Variants in SGK1 observed in about 807,000 individuals in gnomAD.
The protein encoded by SGK1 is serum/glucocorticoid regulated kinase 1.
SGK1 carries 26 observed loss-of-function variants against 64.2 expected under a neutral mutation model. The ratio of observed to expected loss-of-function variants is 0.40; its 90% CI spans 0.30 to 0.56. The LOEUF (loss-of-function observed/expected upper bound fraction) is 0.56. Among genes scored for constraint, SGK1 ranks in the 20% least tolerant of loss-of-function variants. The pLI, the probability that SGK1 is intolerant of heterozygous loss-of-function variation, is 0.38. For synonymous variants in SGK1, 265 were observed against 239.7 expected (o/e 1.11, Z -0.98); for missense variants, 519 against 645.6 (o/e 0.80, Z 2.12).
At chr6:134,254,569 TA>T (rs2114739534) in intron 2 of SGK1, among the ~76,000 whole-genome samples, 1 of 152,282 alleles carries the variant, frequency 6.6e-6, no homozygotes, top group African/African-American at 2.4e-5. Flanking sequence ...TTGAAACATT[TA>T]AACGATATAA....
At chr6:134,184,018 C>G (rs1424664489) in intron 3 of SGK1, among the ~76,000 whole-genome samples, 2 of 152,138 alleles carry the variant, frequency 1.3e-5, no homozygotes, top group African/African-American at 2.4e-5. Context: ...CTGCCTGCCC[C>G]TCTGACCTCT....
intron 3 of SGK1, among the ~76,000 whole-genome samples, chr6:134,195,118 T>C (rs1429557574): frequency 6.6e-6 from 1 of 152,190 alleles, no homozygotes; most frequent in Non-Finnish European, 1.5e-5. Context: ...AAAATGCCTT[T>C]TAGGACTATG....
intron 2 of SGK1, among the ~76,000 whole-genome samples, chr6:134,229,776 A>G (rs950950204): frequency 1.3e-5 from 2 of 152,210 alleles, no homozygotes; most frequent in Non-Finnish European, 2.9e-5. Context: ...TCACATGTAC[A>G]TCTCTGGTCT....
intron 2 of SGK1, among the ~76,000 whole-genome samples, chr6:134,239,609 G>A (rs1015166980): frequency 2.6e-5 from 4 of 152,080 alleles, no homozygotes; most frequent in African/African-American, 9.7e-5. Flanking sequence ...ATACTGTAGC[G>A]CCAAAAGAAT....
At chr6:134,182,657 A>T (rs1277835138) in intron 3 of SGK1, among the ~76,000 whole-genome samples, 1 of 152,202 alleles carries the variant, frequency 6.6e-6, no homozygotes, top group Non-Finnish European at 1.5e-5. Flanking sequence ...AAATCAAAAC[A>T]ATACATCAAG....
chr6:134,272,816 A>G (rs1399138929), intron 1 of SGK1, among the ~76,000 whole-genome samples: 1 of 148,420 alleles, frequency 6.7e-6, no homozygotes, highest in Non-Finnish European at 1.5e-5. Context: ...ATTTCATAAA[A>G]TGAAGCTTGC....
chr6:134,171,980 A>G (rs1465506578), intron 10 of SGK1: 1 of 687,672 alleles, frequency 1.5e-6, no homozygotes, highest in African/African-American at 1.8e-5. Flanking sequence ...TATGATGCAG[A>G]TCTTACTTAC....
rs149377329 is a variant in SGK1 at position 134,255,623 on chromosome 6, C to G, written c.285+6310G>C. On this transcript the variant is annotated intron_variant, in intron 2 of 13. Transcript: ENST00000367858. Reference sequence around the variant, plus strand: ...TGAGATGGAGCCTCGCTCTTGTCACCTAGGCTGGAGTACAATGGCATGATC... The same window carrying G: ...TGAGATGGAGCCTCGCTCTTGTCACGTAGGCTGGAGTACAATGGCATGATC... Among the ~76,000 whole-genome samples, 1,331 of 138,084 alleles carry G rather than the reference C, an allele frequency of 9.6e-3. 33 individuals are homozygous for G. Among genetic ancestry groups the G allele is most frequent in the African/African-American group, 0.034 (1,269 of 37,318 alleles). The allele number at this position is 138,084 out of a possible 152,430, so 90.6% of individuals were successfully genotyped here.
chr6:134,199,558 C>CAAAAAAAA (rs369760659), intron 3 of SGK1, among the ~76,000 whole-genome samples: 11 of 81,304 alleles, frequency 1.4e-4, no homozygotes, highest in African/African-American at 2.0e-4. Context: ...GACTCTCTCT[C>CAAAAAAAA]AAAAAAAAAA....
chr6:134,293,423 G>T (rs999979814), intron 1 of SGK1, among the ~76,000 whole-genome samples: 1 of 152,158 alleles, frequency 6.6e-6, no homozygotes, highest in African/African-American at 2.4e-5. Flanking sequence ...CACCTAGGCT[G>T]TATGATTGAC....
At chr6:134,211,222 A>G (rs963758621) in intron 2 of SGK1, among the ~76,000 whole-genome samples, 1 of 152,186 alleles carries the variant, frequency 6.6e-6, no homozygotes, top group South Asian at 2.1e-4. Flanking sequence ...TTTTGTCAGT[A>G]TATCAGAAAG....
intron 11 of SGK1, 100 bp from the exon 12 acceptor site, chr6:134,171,278 C>T (rs1297922886): frequency 8.8e-7 from 1 of 1,135,266 alleles, no homozygotes; most frequent in Non-Finnish European, 1.3e-6. Flanking sequence ...ATATTAGGCT[C>T]GATTTGAGAA....
intron 1 of SGK1, among the ~76,000 whole-genome samples, chr6:134,310,054 A>G (rs543940874): frequency 2.0e-5 from 3 of 152,168 alleles, no homozygotes; most frequent in Admixed American, 1.3e-4. Flanking sequence ...TCCAACATGC[A>G]TTTTGATGGC....
chr6:134,172,159 G>C (rs1229211967), intron 10 of SGK1, 34 bp downstream of exon 10: 1 of 1,608,098 alleles, frequency 6.2e-7, no homozygotes, highest in Non-Finnish European at 8.5e-7. Context: ...GGAAGGCGGG[G>C]GTAAACCAGG....
At chr6:134,222,253 A>G (rs1398842518) in intron 2 of SGK1, among the ~76,000 whole-genome samples, 1 of 152,082 alleles carries the variant, frequency 6.6e-6, no homozygotes, top group South Asian at 2.1e-4. Flanking sequence ...ATTGCATTTC[A>G]ATGCCGTTTT....
At position 134,298,223 on chromosome 6, in the gene SGK1, GC is replaced by G. The variant is rs1440296779; in HGVS notation, c.69+19168del. The G allele has an allele frequency of 3.2e-6, 5 of 1,567,830 alleles. No homozygotes were observed. In the African/African-American group the frequency reaches 5.4e-5, roughly 17 times the overall value. On this transcript the variant is annotated intron_variant, in intron 1 of 13. Transcript: ENST00000367858. ...TTGCCAAGCTCTGCCTCCAGCTTCAGCTTCTCCTGGCCCCGAGTCTCCAGCT... is the reference window on the plus strand; with the variant it reads ...TTGCCAAGCTCTGCCTCCAGCTTCAGTTCTCCTGGCCCCGAGTCTCCAGCT...
intron 1 of SGK1, among the ~76,000 whole-genome samples, chr6:134,276,882 A>G (rs189133196): frequency 3.3e-5 from 5 of 152,170 alleles, no homozygotes; most frequent in African/African-American, 9.6e-5. Flanking sequence ...TAAAACCCCA[A>G]CACTACAAAA....
At chr6:134,174,913 C>T (rs1775173023) in intron 3 of SGK1, 3 of 1,553,250 alleles carry the variant, frequency 1.9e-6, no homozygotes, top group Admixed American at 2.0e-5. Context: ...GCCGCGGGGG[C>T]GGGGCCTGCG....
intron 3 of SGK1, among the ~76,000 whole-genome samples, chr6:134,186,240 T>C (rs571682708): frequency 4.6e-5 from 7 of 152,334 alleles, no homozygotes; most frequent in African/African-American, 1.7e-4. Context: ...AATGCACCTG[T>C]TCTGTGTACA....
Sources: allele counts gnomAD v4.1 joint callset (sites outside exome capture counted in the v4.1 genomes callset), GRCh38; gene constraint gnomAD v4.1.1; transcripts MANE v1.5; gene names NCBI Gene and HGNC (gene_info 2026-07-23, HGNC 2026-07-21).